The following EXOC6B variants were observed in gnomAD, a reference collection of about 807,000 sequenced individuals.
The protein encoded by EXOC6B is exocyst complex component 6B.
In EXOC6B, 54 loss-of-function variants were observed where a neutral mutation model predicts 113.5. The observed-to-expected ratio is 0.48, with a 90% CI of 0.38 to 0.60. The LOEUF is 0.60. EXOC6B is among the 20% of genes least tolerant of loss of function. EXOC6B has a pLI of 0.00. For synonymous variants in EXOC6B, 357 were observed against 339.0 expected (o/e 1.05, Z -0.58); for missense variants, 797 against 977.5 (o/e 0.82, Z 2.46).
chr2:72,601,906 A>C (rs1670457407), intron 6 of EXOC6B, among the ~76,000 whole-genome samples: 1 of 152,226 alleles, frequency 6.6e-6, no homozygotes, highest in South Asian at 2.1e-4. Flanking sequence ...AAGTGAAAGG[A>C]GCCAGTTTGA....
chr2:72,277,811 A>C (rs1311000050), intron 20 of EXOC6B, among the ~76,000 whole-genome samples: 2 of 151,066 alleles, frequency 1.3e-5, no homozygotes, highest in Non-Finnish European at 2.9e-5. Flanking sequence ...GGTATTTGTA[A>C]GTAGCAAATC....
At chr2:72,811,666 T>C (rs1367879347) in intron 1 of EXOC6B, among the ~76,000 whole-genome samples, 1 of 152,098 alleles carries the variant, frequency 6.6e-6, no homozygotes, top group East Asian at 1.9e-4. Flanking sequence ...CAAAAATCCT[T>C]AACAATATAT....
intron 21 of EXOC6B, among the ~76,000 whole-genome samples, chr2:72,181,165 C>T (rs1232783776): frequency 1.4e-5 from 2 of 144,266 alleles, no homozygotes; most frequent in Non-Finnish European, 3.0e-5. Context: ...GCCAAGATCA[C>T]ACCACTGCAC....
intron 18 of EXOC6B, among the ~76,000 whole-genome samples, chr2:72,413,239 G>A (rs1254587989): frequency 6.6e-6 from 1 of 151,764 alleles, no homozygotes; most frequent in African/African-American, 2.4e-5. Flanking sequence ...GGGATTACAG[G>A]CGTGAACCAC....
chr2:72,488,836 A>G (rs1345366135), intron 16 of EXOC6B, among the ~76,000 whole-genome samples: 1 of 152,188 alleles, frequency 6.6e-6, no homozygotes, highest in African/African-American at 2.4e-5. Context: ...CTCTCAAAAT[A>G]TAAGTCAGAT....
In EXOC6B at chr2:72,437,198, C is replaced by T. The variant is rs148410820; in HGVS notation, c.1980+27962G>A. Among the ~76,000 whole-genome samples the T allele has an allele frequency of 3.7e-4, 57 of 152,318 alleles. 1 individual carries two copies. The highest frequency in any genetic ancestry group is 1.4e-3 in the African/African-American group (57 of 41,578). ...GAGTTTGCTAGAGGTCCCCTCCAGA[C>T]CCTGTTTGCCTGGGTATCACCAGCA... On this transcript the variant is annotated intron_variant, in intron 18 of 21. Coordinates refer to ENST00000272427, the MANE Select transcript of EXOC6B (RefSeq NM_015189.3).
intron 8 of EXOC6B, among the ~76,000 whole-genome samples, chr2:72,551,173 T>A (rs949659697): frequency 3.3e-5 from 5 of 152,162 alleles, no homozygotes; most frequent in Non-Finnish European, 7.3e-5. Context: ...GAGTCACCAC[T>A]GGAGTTCACT....
At chr2:72,660,030 A>C (rs1163127742) in intron 6 of EXOC6B, among the ~76,000 whole-genome samples, 1 of 152,112 alleles carries the variant, frequency 6.6e-6, no homozygotes, top group Admixed American at 6.5e-5. Flanking sequence ...ATCACAGCAT[A>C]AACTGGTATG....
At chr2:72,553,382 A>G (rs970785323) in intron 8 of EXOC6B, among the ~76,000 whole-genome samples, 1 of 152,110 alleles carries the variant, frequency 6.6e-6, no homozygotes, top group Non-Finnish European at 1.5e-5. Context: ...TCCAAAATGT[A>G]ACTACAAATT....
chr2:72,617,274 G>A (rs1034711604), intron 6 of EXOC6B, among the ~76,000 whole-genome samples: 1 of 143,070 alleles, frequency 7.0e-6, no homozygotes, highest in Non-Finnish European at 1.6e-5. Flanking sequence ...GGTGCAAGCT[G>A]TGGGTGGATC....
chr2:72,220,552 G>C (rs1326165993), intron 20 of EXOC6B, among the ~76,000 whole-genome samples: 1 of 152,156 alleles, frequency 6.6e-6, no homozygotes, highest in African/African-American at 2.4e-5. Context: ...ACTAAAAAGT[G>C]ATCTAGGCTT....
chr2:72,379,710 G>T lies in EXOC6B; in HGVS notation c.2122+19C>A. ...TTTGCTGGTAAGATAAACAAGCACA[G>T]GGATGGTCACTGTCTTACGTTCACA... On this transcript the variant is annotated intron_variant, in intron 19 of 21. Transcript: ENST00000272427. 6.3e-7 allele frequency: 1 copy of T among 1,597,268 alleles called. No individual in the cohort carries two copies. Among genetic ancestry groups the T allele is most frequent in the Admixed American group, 1.7e-5 (1 of 58,500 alleles).
In EXOC6B at chr2:72,313,909, G is replaced by A. The variant is rs1243316892; in HGVS notation, c.2196+21038C>T. 3.3e-5 allele frequency among the ~76,000 whole-genome samples: 5 copies of A among 152,148 alleles called. No homozygotes were observed. In the East Asian group the frequency reaches 9.6e-4, roughly 29 times the overall value. ...CCTGTCCAGGCAATGTGCTACTTGA[G>A]AACAGTGAGCTGTTGCCAGATGCCC... On this transcript the variant is annotated intron_variant, in intron 20 of 21. Transcript: ENST00000272427.
intron 18 of EXOC6B, among the ~76,000 whole-genome samples, chr2:72,457,652 A>G (rs1216299848): frequency 6.6e-6 from 1 of 152,162 alleles, no homozygotes; most frequent in East Asian, 1.9e-4. Context: ...TACGCTGAGC[A>G]TGCAAAATGG....
intron 18 of EXOC6B, among the ~76,000 whole-genome samples, chr2:72,382,595 T>G (rs1171400615): frequency 1.3e-5 from 2 of 152,178 alleles, no homozygotes; most frequent in Non-Finnish European, 2.9e-5. Context: ...GGAGCAGCAT[T>G]GAATCTGTAA....
intron 19 of EXOC6B, among the ~76,000 whole-genome samples, chr2:72,342,743 T>C (rs754630937): frequency 6.6e-6 from 1 of 151,812 alleles, no homozygotes; most frequent in South Asian, 2.1e-4. Context: ...CTGGGCAATA[T>C]AGAGAGATAC....
chr2:72,689,307 T>C (rs1316090860), intron 6 of EXOC6B, among the ~76,000 whole-genome samples: 1 of 152,166 alleles, frequency 6.6e-6, no homozygotes, highest in East Asian at 1.9e-4. Context: ...ATTATATCTC[T>C]AAACCCATTG....
Position 72,307,161 on chromosome 2 carries a change from G to GTTTTTGTTTTTGTTTTTTTT in EXOC6B, c.2196+27785_2196+27786insAAAAAAAACAAAAACAAAAA, listed in dbSNP as rs758906963. Among the ~76,000 whole-genome samples the GTTTTTGTTTTTGTTTTTTTT allele has an allele frequency of 3.9e-5, 5 of 128,514 alleles. 1 individual carries two copies. The highest frequency in any genetic ancestry group is 1.5e-4 in the African/African-American group (4 of 26,172). The allele number at this position is 128,514 out of a possible 152,430, so 84.3% of individuals were successfully genotyped here. A position where few individuals can be genotyped will look rare whatever the true frequency, so the allele number is the denominator to read the frequency against. ...TCCATGACTGCAATGGTATAGTCCA[G>GTTTTTGTTTTTGTTTTTTTT]TTTTTTTTTTTTTGAGACGGAGTCT... On this transcript the variant is annotated intron_variant, in intron 20 of 21. Coordinates refer to ENST00000272427, the MANE Select transcript of EXOC6B (RefSeq NM_015189.3).
At chr2:72,352,298 A>G (rs1156616908) in intron 19 of EXOC6B, among the ~76,000 whole-genome samples, 2 of 152,190 alleles carry the variant, frequency 1.3e-5, no homozygotes, top group East Asian at 3.9e-4. Flanking sequence ...AATAGAGTAG[A>G]AGGAAAATAG....
Sources: allele counts gnomAD v4.1 joint callset (sites outside exome capture counted in the v4.1 genomes callset), GRCh38; gene constraint gnomAD v4.1.1; transcripts MANE v1.5; gene names NCBI Gene and HGNC (gene_info 2026-07-23, HGNC 2026-07-21).